Variants in ST3GAL3 observed in about 807,000 individuals in gnomAD.
ST3GAL3 encodes CMP-N-acetylneuraminate-beta-1,4-galactoside alpha-2,3-sialyltransferase.
A neutral mutation model predicts 50.1 loss-of-function variants in ST3GAL3; 21 were observed. The ratio of observed to expected loss-of-function variants is 0.42; its 90% CI spans 0.30 to 0.60. ST3GAL3 has a LOEUF of 0.60. Among genes scored for constraint, ST3GAL3 ranks in the 20% least tolerant of loss-of-function variants. ST3GAL3 has a pLI of 0.19. For missense variants in ST3GAL3, 353 were observed against 489.4 expected (o/e 0.72, Z 2.63); for synonymous variants, 183 against 190.0 (o/e 0.96, Z 0.30).
At chr1:43,904,007 A>G (rs2078726628) in intron 9 of ST3GAL3, among the ~76,000 whole-genome samples, 3 of 152,212 alleles carry the variant, frequency 2.0e-5, no homozygotes, top group Admixed American at 2.0e-4. Context: ...ATGTTATGTT[A>G]TTTTATTTTT....
rs201287443 is a variant in ST3GAL3, at chr1:43,894,442, G to A, written c.362G>A (p.Arg121Gln). 4.9e-4 allele frequency: 784 copies of A among 1,614,078 alleles called. No homozygotes were observed. Among genetic ancestry groups the A allele is most frequent in the Non-Finnish European group, 6.0e-4 (705 of 1,180,000 alleles). The change falls in exon 6 of 12, where the codon CGG (arginine) becomes CAG (glutamine). Residue 121 changes from arginine to glutamine, a missense_variant. Arg to Gln is a conservative substitution (Grantham distance 43). Transcript: ENST00000347631. ...TCCTTTCGCAAGTGGGCTAGAATCC[G>A]GGAGTTCGTGCCGCCTTTTGGGATC... ...DDSFRKWARI[R>Q]EFVPPFGIKG...
chr1:43,930,125 C>T lies in ST3GAL3; in HGVS notation c.1039-7C>T. 1 of 1,614,068 alleles carries T rather than the reference C, an allele frequency of 6.2e-7. No homozygotes were observed. Among genetic ancestry groups the T allele is most frequent in the Non-Finnish European group, 8.5e-7 (1 of 1,179,922 alleles). On this transcript the variant is annotated splice_region_variant and splice_polypyrimidine_tract_variant and intron_variant, in intron 11 of 11. Transcript: ENST00000347631. ...GGCCCAACTGATCACTTCATCTCTC[C>T]TTTCAGTCCTGGACGCACAATATCC...
At chr1:43,908,613 C>G (rs1338966822) in intron 9 of ST3GAL3, among the ~76,000 whole-genome samples, 2 of 151,922 alleles carry the variant, frequency 1.3e-5, no homozygotes, top group Non-Finnish European at 2.9e-5. Flanking sequence ...CCAAGCCTTC[C>G]CTTCTCCTTG....
intron 1 of ST3GAL3, among the ~76,000 whole-genome samples, chr1:43,735,222 G>A (rs1218137703): frequency 6.6e-6 from 1 of 152,128 alleles, no homozygotes. Flanking sequence ...TATCCACACC[G>A]TAATCCCTGG....
chr1:43,888,694 A>T (rs2076297463), intron 5 of ST3GAL3, among the ~76,000 whole-genome samples: 1 of 152,238 alleles, frequency 6.6e-6, no homozygotes, highest in Non-Finnish European at 1.5e-5. Context: ...TAACAAAAGA[A>T]ATGCAAATTA....
intron 5 of ST3GAL3, among the ~76,000 whole-genome samples, chr1:43,866,671 G>A (rs1385370607): frequency 6.6e-6 from 1 of 152,018 alleles, no homozygotes; most frequent in Non-Finnish European, 1.5e-5. Context: ...CATAAACTGA[G>A]AACATGATGC....
At chr1:43,780,518 A>G (rs1699023638) in intron 2 of ST3GAL3, among the ~76,000 whole-genome samples, 1 of 151,760 alleles carries the variant, frequency 6.6e-6, no homozygotes, top group African/African-American at 2.4e-5. Context: ...TTTTTCCTGT[A>G]TTCTTTCTTT....
chr1:43,851,040 G>A (rs957617400), intron 5 of ST3GAL3: 7 of 840,554 alleles, frequency 8.3e-6, no homozygotes, highest in Non-Finnish European at 1.3e-5. Flanking sequence ...CCACCAGCCT[G>A]CTGATATGTG....
intron 5 of ST3GAL3, among the ~76,000 whole-genome samples, chr1:43,861,081 T>C (rs2069812640): frequency 6.6e-6 from 1 of 152,204 alleles, no homozygotes; most frequent in Admixed American, 6.5e-5. Flanking sequence ...TCAGCAAAGA[T>C]GGAATACAGC....
At chr1:43,906,310 T>C (rs1207840405) in intron 9 of ST3GAL3, among the ~76,000 whole-genome samples, 10 of 72,204 alleles carry the variant, frequency 1.4e-4, no homozygotes, top group African/African-American at 2.7e-4. Flanking sequence ...TCCTCCTGTT[T>C]CTCTTCCTAC....
chr1:43,922,340 A>G (rs1304993946), intron 11 of ST3GAL3: 1 of 152,088 alleles, frequency 6.6e-6, no homozygotes, highest in Admixed American at 6.6e-5. Flanking sequence ...TGTCTCTACT[A>G]AAAATACAAA....
At chr1:43,798,215 A>G (rs532531710) in intron 3 of ST3GAL3, among the ~76,000 whole-genome samples, 1 of 152,188 alleles carries the variant, frequency 6.6e-6, no homozygotes, top group South Asian at 2.1e-4. Context: ...ACCACTGCCC[A>G]AGGTACCATC....
At chr1:43,743,591 C>A in intron 2 of ST3GAL3, 1 of 358,240 alleles carries the variant, frequency 2.8e-6, no homozygotes, top group South Asian at 2.2e-5. Flanking sequence ...GAGGGTCTGT[C>A]AGTGAGGCAG....
At chr1:43,717,252 T>C (rs969689499) in intron 1 of ST3GAL3, among the ~76,000 whole-genome samples, 9 of 152,218 alleles carry the variant, frequency 5.9e-5, no homozygotes, top group Non-Finnish European at 1.3e-4. Flanking sequence ...TGTCCGCTGC[T>C]TTACTCAGGT....
At chr1:43,793,516 C>T (rs1172289234) in intron 3 of ST3GAL3, among the ~76,000 whole-genome samples, 5 of 152,134 alleles carry the variant, frequency 3.3e-5, no homozygotes, top group Admixed American at 6.6e-5. Context: ...GAAGCTAATG[C>T]TCAAAGACAT....
intron 2 of ST3GAL3, among the ~76,000 whole-genome samples, chr1:43,750,995 CAGAG>C (rs1685847427): frequency 1.3e-5 from 2 of 151,932 alleles, no homozygotes; most frequent in Non-Finnish European, 2.9e-5. Context: ...GTATATATGA[CAGAG>C]AGATGATATT....
At chr1:43,735,128 G>A (rs1424815431) in intron 1 of ST3GAL3, among the ~76,000 whole-genome samples, 2 of 152,116 alleles carry the variant, frequency 1.3e-5, no homozygotes, top group East Asian at 1.9e-4. Context: ...GTCAGAAACC[G>A]CTAGGCTGTA....
chr1:43,803,443 A>G (rs1456906681), intron 3 of ST3GAL3, among the ~76,000 whole-genome samples: 1 of 151,882 alleles, frequency 6.6e-6, no homozygotes, highest in Non-Finnish European at 1.5e-5. Flanking sequence ...CTGTTAGTTT[A>G]AATTTAGTAA....
chr1:43,857,398 T>A (rs186017719), intron 5 of ST3GAL3, among the ~76,000 whole-genome samples: 27 of 152,298 alleles, frequency 1.8e-4, no homozygotes, highest in African/African-American at 6.0e-4. Flanking sequence ...GTCTCAGCTA[T>A]TTGTTACCAA....
Sources: gnomAD v4.1 joint callset for allele counts (sites outside exome capture counted in the v4.1 genomes callset) on GRCh38, gnomAD v4.1.1 for gene constraint, MANE v1.5 for transcripts, NCBI Gene and HGNC (gene_info 2026-07-23, HGNC 2026-07-21) for gene names.